Variants in PRKCH observed in about 807,000 individuals in gnomAD.
PRKCH encodes protein kinase C eta, also known as protein kinase C eta type.
Under a neutral mutation model 82.5 loss-of-function variants are expected in PRKCH, and 28 were observed. That is an observed-to-expected ratio of 0.34 (90% CI 0.25 to 0.47). PRKCH has a LOEUF of 0.47. Ranked by LOEUF, PRKCH falls within the 20% of genes least tolerant of loss-of-function variation. PRKCH has a pLI of 1.00. For missense variants in PRKCH, 705 were observed against 881.8 expected (o/e 0.80, Z 2.54); for synonymous variants, 322 against 327.4 (o/e 0.98, Z 0.18).
intron 2 of PRKCH, among the ~76,000 whole-genome samples, chr14:61,405,132 C>T (rs1220645626): frequency 1.3e-5 from 2 of 152,190 alleles, no homozygotes; most frequent in African/African-American, 4.8e-5. Context: ...TAACAACTTT[C>T]TCCAGTTCTG....
intron 9 of PRKCH, among the ~76,000 whole-genome samples, chr14:61,467,105 A>G (rs2140307018): frequency 6.6e-6 from 1 of 152,286 alleles, no homozygotes; most frequent in African/African-American, 2.4e-5. Flanking sequence ...AGAGGCAGAG[A>G]GCAGCCAGGC....
At chr14:61,345,349 G>A (rs1391602183) in intron 1 of PRKCH, among the ~76,000 whole-genome samples, 1 of 152,162 alleles carries the variant, frequency 6.6e-6, no homozygotes, top group Non-Finnish European at 1.5e-5. Context: ...AGTATACGTT[G>A]TTATGCAGCA....
chr14:61,340,992 A>G (rs2045924355), intron 1 of PRKCH, among the ~76,000 whole-genome samples: 1 of 152,224 alleles, frequency 6.6e-6, no homozygotes, highest in Non-Finnish European at 1.5e-5. Flanking sequence ...TGTATCATAC[A>G]TATGGATTAT....
rs950132347 is a variant in PRKCH at position 61,281,225 on chromosome 14, C to T, written c.-19+93557C>T. The T allele has an allele frequency of 4.8e-5, 47 of 971,982 alleles. No individual in the cohort carries two copies. The African/African-American group carries it at 6.9e-4, about 14-fold the overall frequency. The allele number at this position is 971,982 out of a possible 1,614,324, so 60.2% of individuals were successfully genotyped here. A position where few individuals can be genotyped will look rare whatever the true frequency, so the allele number is the denominator to read the frequency against. ...GGGGCGCCTCCCTCTCCGCGCCGCG[C>T]AAGCCCGGGGACTGCTCGCGGGTCG... On this transcript the variant is annotated intron_variant, in intron 1 of 3. Transcript: ENST00000555185.
At chr14:61,487,633 G>A (rs958863136) in intron 10 of PRKCH, among the ~76,000 whole-genome samples, 3 of 152,068 alleles carry the variant, frequency 2.0e-5, no homozygotes, top group Non-Finnish European at 4.4e-5. Context: ...CTACATGTAA[G>A]TAATGACTCC....
chr14:61,411,787 A>C (rs1232084891), intron 2 of PRKCH, among the ~76,000 whole-genome samples: 1 of 152,224 alleles, frequency 6.6e-6, no homozygotes, highest in Non-Finnish European at 1.5e-5. Flanking sequence ...GGAGGTGTAC[A>C]AAGTTCTGAG....
At chr14:61,488,875 A>T (rs926314398) in intron 10 of PRKCH, among the ~76,000 whole-genome samples, 11 of 152,192 alleles carry the variant, frequency 7.2e-5, no homozygotes, top group African/African-American at 2.4e-4. Flanking sequence ...TCTGTGGTTC[A>T]GTTCTGAGAA....
At chr14:61,457,392 C>G in intron 8 of PRKCH, 73 bp downstream of exon 8, 2 of 1,588,176 alleles carry the variant, frequency 1.3e-6, no homozygotes, top group Non-Finnish European at 1.7e-6. Flanking sequence ...TGTGTGTGCA[C>G]GCATGCGCAC....
At chr14:61,198,399 AG>A (rs2044456024) in intron 1 of PRKCH, among the ~76,000 whole-genome samples, 1 of 152,190 alleles carries the variant, frequency 6.6e-6, no homozygotes, top group Non-Finnish European at 1.5e-5. Flanking sequence ...TCTGTTGGAA[AG>A]CCTGACTCGT....
intron 1 of PRKCH, among the ~76,000 whole-genome samples, chr14:61,256,856 G>A (rs2045002233): frequency 6.6e-6 from 1 of 152,138 alleles, no homozygotes; most frequent in South Asian, 2.1e-4. Context: ...GCTTCACTTA[G>A]CAGCCTCAAG....
At chr14:61,465,290 C>T (rs12881922) in intron 9 of PRKCH, among the ~76,000 whole-genome samples, 142,334 of 152,326 alleles carry the variant, frequency 0.93, 66,917 homozygotes, top group Middle Eastern at 0.99. Flanking sequence ...TTTTAAAAAG[C>T]CATTGCCTAT....
intron 2 of PRKCH, among the ~76,000 whole-genome samples, chr14:61,404,416 C>T (rs567164169): frequency 1.3e-5 from 2 of 152,330 alleles, no homozygotes; most frequent in Non-Finnish European, 2.9e-5. Context: ...TCAAGCAATA[C>T]TTTTATGTTA....
At chr14:61,200,933 A>G (rs983182320) in intron 1 of PRKCH, among the ~76,000 whole-genome samples, 1 of 152,150 alleles carries the variant, frequency 6.6e-6, no homozygotes, top group South Asian at 2.1e-4. Context: ...TTTCCCACTT[A>G]TAAGAGGGGA....
intron 9 of PRKCH, among the ~76,000 whole-genome samples, chr14:61,464,515 A>G (rs1885169334): frequency 6.6e-6 from 1 of 152,108 alleles, no homozygotes. Flanking sequence ...TTAAGCCCCG[A>G]ATGCATTAGG....
chr14:61,360,084 A>G (rs2046203144), intron 1 of PRKCH, among the ~76,000 whole-genome samples: 1 of 152,268 alleles, frequency 6.6e-6, no homozygotes, highest in African/African-American at 2.4e-5. Flanking sequence ...ATCTTTAGCG[A>G]CAATAGCATT....
chr14:61,202,203 T>C (rs765111411), intron 1 of PRKCH, among the ~76,000 whole-genome samples: 24 of 152,162 alleles, frequency 1.6e-4, no homozygotes, highest in Non-Finnish European at 2.9e-4. Flanking sequence ...TGTACCTATC[T>C]GAATGCTATT....
chr14:61,530,458 G>A lies in PRKCH; in HGVS notation c.1624G>A (p.Val542Met), dbSNP rs1425794337. The part of the protein sequence containing the change: ...GPAVDWWAMG[V>M]LLYEMLCGHA... ...TGCAGTAGACTGGTGGGCAATGGGC[G>A]TGTTGCTCTATGAGATGCTCTGTGG... Residue 542 changes from valine (V) to methionine (M), a missense_variant, in exon 12 of 14, where the codon GTG becomes ATG. Val to Met is a conservative substitution (Grantham distance 21, BLOSUM62 1). Around this residue, in one of 5 missense-constraint regions of PRKCH, gnomAD observed 115 missense variants for 193.8 expected, o/e 0.59. Coordinates refer to ENST00000332981, the MANE Select transcript of PRKCH (RefSeq NM_006255.5). 4 of 1,610,436 alleles carry A rather than the reference G, an allele frequency of 2.5e-6. No individual in the cohort carries two copies. Among genetic ancestry groups the A allele is most frequent in the African/African-American group, 1.3e-5 (1 of 75,038 alleles).
chr14:61,421,495 G>A (rs966195196), intron 2 of PRKCH, among the ~76,000 whole-genome samples: 23 of 152,080 alleles, frequency 1.5e-4, no homozygotes, highest in Non-Finnish European at 2.9e-5. Flanking sequence ...AGCCCCGTAG[G>A]AAAACTTTTC....
chr14:61,352,320 C>T (rs998658030), intron 1 of PRKCH, among the ~76,000 whole-genome samples: 5 of 152,096 alleles, frequency 3.3e-5, no homozygotes, highest in Non-Finnish European at 5.9e-5. Flanking sequence ...CTGGTCCCAC[C>T]CACATCCACA....
Sources: allele counts gnomAD v4.1 joint callset (sites outside exome capture counted in the v4.1 genomes callset), GRCh38; gene constraint gnomAD v4.1.1; regional missense constraint gnomAD v4.1.1; transcripts MANE v1.5; gene names NCBI Gene and HGNC (gene_info 2026-07-23, HGNC 2026-07-21).